UBAC2: variants seen among roughly 807,000 people sequenced by gnomAD.
UBAC2 encodes the protein UBA domain containing 2.
A neutral mutation model predicts 44.0 loss-of-function variants in UBAC2; 26 were observed. The ratio of observed to expected loss-of-function variants is 0.59; its 90% CI spans 0.43 to 0.82. The LOEUF is 0.82. Ranked by LOEUF, UBAC2 falls within the 40% of genes least tolerant of loss-of-function variation. UBAC2 has a pLI of 0.00. For synonymous variants in UBAC2, 155 were observed against 154.3 expected (o/e 1.00, Z -0.04); for missense variants, 329 against 419.4 (o/e 0.78, Z 1.88).
intron 1 of UBAC2, among the ~76,000 whole-genome samples, chr13:99,225,010 G>A (rs767108143): frequency 1.3e-5 from 2 of 152,150 alleles, no homozygotes; most frequent in Non-Finnish European, 2.9e-5. Context: ...ATTTTGAGAG[G>A]AATACTTAAT....
intron 6 of UBAC2, among the ~76,000 whole-genome samples, chr13:99,326,007 G>C (rs1029594776): frequency 6.6e-6 from 1 of 152,184 alleles, no homozygotes; most frequent in Non-Finnish European, 1.5e-5. Context: ...ACATGAGAGT[G>C]CCGAGACCTC....
chr13:99,202,766 GT>G (rs2042820819), intron 1 of UBAC2, among the ~76,000 whole-genome samples: 1 of 152,142 alleles, frequency 6.6e-6, no homozygotes. Flanking sequence ...TGTAAGAGTT[GT>G]TGGGATGGCC....
At chr13:99,292,407 G>A (rs2044102832) in intron 4 of UBAC2, among the ~76,000 whole-genome samples, 1 of 151,928 alleles carries the variant, frequency 6.6e-6, no homozygotes, top group Non-Finnish European at 1.5e-5. Context: ...CTCCCAAAGT[G>A]CAGGGATTAC....
intron 4 of UBAC2, among the ~76,000 whole-genome samples, chr13:99,277,734 G>A (rs909288583): frequency 3.3e-5 from 5 of 152,058 alleles, no homozygotes; most frequent in African/African-American, 7.2e-5. Flanking sequence ...TGTAATCACT[G>A]TGCTCTATTG....
chr13:99,201,232 C>CG, intron 1 of UBAC2: 1 of 1,434,106 alleles, frequency 7.0e-7, no homozygotes, highest in Non-Finnish European at 9.1e-7. Flanking sequence ...GGGCAGGTGC[C>CG]CTGGTGTTCT....
intron 1 of UBAC2, among the ~76,000 whole-genome samples, chr13:99,206,690 T>C (rs1189328390): frequency 6.6e-6 from 1 of 152,240 alleles, no homozygotes; most frequent in Non-Finnish European, 1.5e-5. Flanking sequence ...GGGTCAAGTC[T>C]GGGCCCTTGG....
At chr13:99,315,214 A>G (rs73568067) in intron 5 of UBAC2, among the ~76,000 whole-genome samples, 1,980 of 151,986 alleles carry the variant, frequency 0.013, 54 homozygotes, top group African/African-American at 0.046. Context: ...CCCTGATCCT[A>G]CCTGATATCC....
At chr13:99,353,510 C>G (rs144270484) in intron 7 of UBAC2, among the ~76,000 whole-genome samples, 1 of 152,296 alleles carries the variant, frequency 6.6e-6, no homozygotes, top group East Asian at 1.9e-4. Context: ...TCTCATGATA[C>G]CTCAGAAAAC....
chr13:99,232,762 C>T (rs1197678435), intron 1 of UBAC2, among the ~76,000 whole-genome samples: 1 of 151,644 alleles, frequency 6.6e-6, no homozygotes, highest in African/African-American at 2.4e-5. Flanking sequence ...TCTCTACACA[C>T]ACAAAAAAAC....
chr13:99,221,681 C>T (rs572256319), intron 1 of UBAC2, among the ~76,000 whole-genome samples: 2 of 152,270 alleles, frequency 1.3e-5, no homozygotes, highest in East Asian at 3.9e-4. Flanking sequence ...AAAATGCTGC[C>T]CTGTTCCACC....
At chr13:99,215,784 A>C (rs2042986872) in intron 1 of UBAC2, 1 of 889,474 alleles carries the variant, frequency 1.1e-6, no homozygotes, top group Non-Finnish European at 1.7e-6. Context: ...AGCTCAAGCA[A>C]GGCAGAGAAA....
At chr13:99,234,493 G>T in intron 1 of UBAC2, 1 of 159,488 alleles carries the variant, frequency 6.3e-6, no homozygotes, top group Non-Finnish European at 1.4e-5. Context: ...CCCTGCCTGT[G>T]CTAGCCATTT....
intron 4 of UBAC2, chr13:99,255,988 G>A: frequency 5.1e-6 from 5 of 972,878 alleles, no homozygotes; most frequent in Non-Finnish European, 7.5e-6. Flanking sequence ...CAGCTTGACT[G>A]CCAGTGAATT....
At chr13:99,302,038 C>T (rs997433412) in intron 4 of UBAC2, among the ~76,000 whole-genome samples, 2 of 152,168 alleles carry the variant, frequency 1.3e-5, no homozygotes, top group African/African-American at 4.8e-5. Flanking sequence ...TTGGAGGTGA[C>T]TTCTCTGTAG....
chr13:99,381,857 T>C (rs1448762302), intron 8 of UBAC2, among the ~76,000 whole-genome samples: 1 of 152,162 alleles, frequency 6.6e-6, no homozygotes, highest in Non-Finnish European at 1.5e-5. Context: ...GAATTGAAGT[T>C]TCACATCTGG....
intron 4 of UBAC2, chr13:99,254,605 CT>C (rs909551904): frequency 3.7e-6 from 1 of 272,446 alleles, no homozygotes; most frequent in Non-Finnish European, 6.9e-6. Flanking sequence ...GATTTCCCCC[CT>C]ACTGACTTGA....
At chr13:99,310,065 G>T (rs946541319) in intron 4 of UBAC2, among the ~76,000 whole-genome samples, 1 of 152,232 alleles carries the variant, frequency 6.6e-6, no homozygotes, top group African/African-American at 2.4e-5. Flanking sequence ...AATGGCTCAC[G>T]CCTGTAATCT....
intron 6 of UBAC2, among the ~76,000 whole-genome samples, chr13:99,322,153 C>T (rs547276222): frequency 4.6e-5 from 7 of 152,244 alleles, no homozygotes; most frequent in African/African-American, 1.4e-4. Flanking sequence ...TTTCAGTGAC[C>T]GTATCAACTG....
chr13:99,316,621 G>A (rs571534826), intron 5 of UBAC2, among the ~76,000 whole-genome samples: 8 of 152,220 alleles, frequency 5.3e-5, no homozygotes, highest in Non-Finnish European at 8.8e-5. Context: ...TCCTCAAGGA[G>A]CCCAGCCATG....
Sources: gnomAD v4.1 joint callset for allele counts (sites outside exome capture counted in the v4.1 genomes callset) on GRCh38, gnomAD v4.1.1 for gene constraint, MANE v1.5 for transcripts, NCBI Gene and HGNC (gene_info 2026-07-23, HGNC 2026-07-21) for gene names.